Variants in UBXN4 observed in about 807,000 individuals in gnomAD.
UBXN4 encodes UBX domain-containing protein 4.
Under a neutral mutation model 66.2 loss-of-function variants are expected in UBXN4, and 35 were observed. The ratio of observed to expected loss-of-function variants is 0.53; its 90% CI spans 0.40 to 0.70. The LOEUF is 0.70. Ranked by LOEUF, UBXN4 falls within the 30% of genes least tolerant of loss-of-function variation. The pLI is 0.00. For missense variants in UBXN4, 533 were observed against 599.8 expected, an observed-to-expected ratio of 0.89 and a Z score of 1.16; for synonymous variants, 203 against 204.5, an observed-to-expected ratio of 0.99 and a Z score of 0.06.
chr2:135,753,629 T>G, intron 3 of UBXN4, 62 bp downstream of exon 3: 1 of 1,310,722 alleles, frequency 7.6e-7, no homozygotes, highest in Non-Finnish European at 1.0e-6. Context: ...TTTGGTTAAT[T>G]TATGAAATTT....
intron 5 of UBXN4, among the ~76,000 whole-genome samples, chr2:135,761,514 TC>T (rs1356241179): frequency 6.6e-6 from 1 of 152,220 alleles, no homozygotes; most frequent in African/African-American, 2.4e-5. Context: ...AGGGCACTGC[TC>T]TAGAGTGAAG....
At chr2:135,761,133 C>T (rs1267803009) in intron 5 of UBXN4, among the ~76,000 whole-genome samples, 1 of 152,172 alleles carries the variant, frequency 6.6e-6, no homozygotes, top group African/African-American at 2.4e-5. Flanking sequence ...CTCCAGAGTC[C>T]TTGTTCGCCA....
intron 10 of UBXN4, among the ~76,000 whole-genome samples, chr2:135,777,368 AT>A (rs2077422473): frequency 6.6e-6 from 1 of 152,058 alleles, no homozygotes; most frequent in Non-Finnish European, 1.5e-5. Flanking sequence ...TTTTCTCCAC[AT>A]TTGGTCGTCT....
Position 135,778,935 on chromosome 2 carries a change from A to G in UBXN4, c.1054-13A>G. ...TAAAGGCACTCTTTAAGTTTTTAAA[A>G]CTTATTTTACAGACTGTTGGCAACA... On this transcript the variant is annotated splice_polypyrimidine_tract_variant and intron_variant, in intron 10 of 12. Coordinates refer to ENST00000272638, the MANE Select transcript of UBXN4 (RefSeq NM_014607.4). 4 of 1,592,828 alleles carry G rather than the reference A, an allele frequency of 2.5e-6. No homozygotes were observed. Among genetic ancestry groups the G allele is most frequent in the South Asian group, 1.2e-5 (1 of 86,368 alleles).
At chr2:135,779,149 A>G (rs751923339) in intron 11 of UBXN4, 70 bp downstream of exon 11, 8 of 1,452,380 alleles carry the variant, frequency 5.5e-6, no homozygotes, top group Non-Finnish European at 7.3e-6. Flanking sequence ...CATTTCTTAT[A>G]ATTAGGGGAA....
chr2:135,752,732 C>G (rs60558655), intron 2 of UBXN4, among the ~76,000 whole-genome samples: 1 of 152,048 alleles, frequency 6.6e-6, no homozygotes, highest in Non-Finnish European at 1.5e-5. Flanking sequence ...ATAGTTCTTT[C>G]TCTTTTGAGA....
intron 5 of UBXN4, among the ~76,000 whole-genome samples, chr2:135,756,139 C>G (rs2077277701): frequency 1.3e-5 from 2 of 151,864 alleles, no homozygotes; most frequent in East Asian, 3.9e-4. Context: ...TGAAATAGAG[C>G]TTGTAGAAGT....
At position 135,779,063 on chromosome 2, in the gene UBXN4, C is replaced by A. The variant is rs772272444; in HGVS notation, c.1169C>A (p.Ser390Ter). 1.2e-6 allele frequency: 2 copies of A among 1,612,610 alleles called. No homozygotes were observed. The highest frequency in any genetic ancestry group is 2.7e-5 in the African/African-American group (2 of 74,832). Residue 390 changes from serine to a stop codon, truncating the protein, a stop_gained, in exon 11 of 13, where the codon TCG becomes TAG. Transcript: ENST00000272638. LOFTEE classifies it high-confidence loss of function. ...LLDLELAPSA[S>*]VVLLPAGRPT... ...GATTTGGAACTTGCCCCAAGCGCTT[C>A]GGTGGTACTGTTGCCAGTATGTATA...
chr2:135,742,569 G>C (rs1250236567), intron 1 of UBXN4: 1 of 152,512 alleles, frequency 6.6e-6, no homozygotes. Flanking sequence ...TTGAACGCCC[G>C]TTTCGTTACT....
intron 5 of UBXN4, 82 bp downstream of exon 5, chr2:135,755,773 A>G (rs989673779): frequency 1.0e-5 from 9 of 891,988 alleles, no homozygotes; most frequent in Non-Finnish European, 1.1e-5. Flanking sequence ...TTTTAAAAAT[A>G]TATTGTATGT....
At chr2:135,776,825 C>T (rs1001402710) in intron 10 of UBXN4, among the ~76,000 whole-genome samples, 1 of 152,196 alleles carries the variant, frequency 6.6e-6, no homozygotes, top group African/African-American at 2.4e-5. Flanking sequence ...AACTCCTGGG[C>T]TCAAGCATTC....
intron 1 of UBXN4, among the ~76,000 whole-genome samples, chr2:135,744,709 C>G (rs562958890): frequency 6.6e-6 from 1 of 152,088 alleles, no homozygotes; most frequent in Non-Finnish European, 1.5e-5. Context: ...TAAGTGCCTT[C>G]GCTTAGGATA....
intron 1 of UBXN4, among the ~76,000 whole-genome samples, chr2:135,745,547 A>G (rs1320505506): frequency 3.3e-5 from 5 of 152,194 alleles, no homozygotes; most frequent in Non-Finnish European, 7.3e-5. Flanking sequence ...TATATTTAGT[A>G]TACAGTTCAA....
intron 5 of UBXN4, 38 bp downstream of exon 5, chr2:135,755,729 T>C: frequency 7.9e-7 from 1 of 1,272,150 alleles, no homozygotes; most frequent in Non-Finnish European, 1.0e-6. Flanking sequence ...CAATAGAAGC[T>C]CCTTCACTAC....
In UBXN4 at chr2:135,766,010, G is replaced by A. The variant is rs539623912; in HGVS notation, c.603-3759G>A. On this transcript the variant is annotated intron_variant, in intron 6 of 12. Transcript: ENST00000272638. ...TCTACTAAAAATACAAAAATTACCCGGACGTAGTGGTGGGTACCTGTAATC... is the reference window on the plus strand; with the variant it reads ...TCTACTAAAAATACAAAAATTACCCAGACGTAGTGGTGGGTACCTGTAATC... Among the ~76,000 whole-genome samples the A allele has an allele frequency of 7.9e-5, 12 of 152,162 alleles. No individual in the cohort carries two copies. The East Asian group carries it at 1.5e-3, about 20-fold the overall frequency.
In UBXN4 at chr2:135,784,573, T is replaced by A. The variant is rs1296933774; in HGVS notation, c.*1686T>A. 1 of 152,606 alleles carries A rather than the reference T, an allele frequency of 6.6e-6. No individual in the cohort carries two copies. Among genetic ancestry groups the A allele is most frequent in the East Asian group, 1.9e-4 (1 of 5,208 alleles). 9.5% of individuals were successfully genotyped at this position (152,606 alleles called of 1,614,324 possible). A position where few individuals can be genotyped will look rare whatever the true frequency, so the allele number is the denominator to read the frequency against. ...TTTTCCAAACTTTCAGCAGTGATAT[T>A]ATTTCCATAACTTAAAAAGTGAGTT... On this transcript the variant is annotated 3_prime_UTR_variant, in exon 13 of 13. Coordinates refer to ENST00000272638, the MANE Select transcript of UBXN4 (RefSeq NM_014607.4).
At chr2:135,769,988 A>G (rs748807667) in intron 7 of UBXN4, among the ~76,000 whole-genome samples, 165 bp downstream of exon 7, 43 of 152,020 alleles carry the variant, frequency 2.8e-4, no homozygotes, top group Non-Finnish European at 4.9e-4. Context: ...TAGTATATAC[A>G]TTTTTTGTGT....
At position 135,754,883 on chromosome 2, in the gene UBXN4, C is replaced by T. The variant is rs370374354; in HGVS notation, c.333+606C>T. Among the ~76,000 whole-genome samples the T allele has an allele frequency of 3.3e-5, 5 of 152,130 alleles. No individual in the cohort carries two copies. The East Asian group carries it at 7.7e-4, about 23-fold the overall frequency. The stretch of plus-strand genomic sequence containing the variant: ...CACTGCAATCTCTACCTCCCGGGTT[C>T]GAGCGATTTTTCTGCCTCAGCCTCC... On this transcript the variant is annotated intron_variant, in intron 4 of 12. Coordinates refer to ENST00000272638, the MANE Select transcript of UBXN4 (RefSeq NM_014607.4).
intron 2 of UBXN4, among the ~76,000 whole-genome samples, chr2:135,751,103 T>C (rs2105493212): frequency 6.7e-6 from 1 of 148,354 alleles, no homozygotes; most frequent in East Asian, 2.0e-4. Flanking sequence ...TCCGCCCGCC[T>C]CAGCCTCCCA....
Sources: allele counts gnomAD v4.1 joint callset (sites outside exome capture counted in the v4.1 genomes callset), GRCh38; gene constraint gnomAD v4.1.1; transcripts MANE v1.5; gene names NCBI Gene and HGNC (gene_info 2026-07-23, HGNC 2026-07-21).